ADCY7: variants seen among roughly 807,000 people sequenced by gnomAD.
ADCY7 encodes adenylate cyclase type 7.
Under a neutral mutation model 120.6 loss-of-function variants are expected in ADCY7, and 72 were observed. The ratio of observed to expected loss-of-function variants is 0.60; its 90% CI spans 0.49 to 0.73. ADCY7 has a LOEUF of 0.73. Ranked by LOEUF, ADCY7 falls within the 30% of genes least tolerant of loss-of-function variation. The pLI, the probability that ADCY7 is intolerant of heterozygous loss-of-function variation, is 0.00. For missense variants in ADCY7, 1,227 were observed against 1,486.0 expected, an observed-to-expected ratio of 0.83 and a Z score of 2.87; for synonymous variants, 661 against 628.0, an observed-to-expected ratio of 1.05 and a Z score of -0.78.
chr16:50,254,168 C>A (rs2150784446), intron 1 of ADCY7, among the ~76,000 whole-genome samples: 1 of 152,268 alleles, frequency 6.6e-6, no homozygotes, highest in Non-Finnish European at 1.5e-5. Context: ...CTTTCAGTGA[C>A]AAGGTTTTGA....
rs776380204 is a variant in ADCY7 at position 50,309,624 on chromosome 16, G to A, written c.2138G>A (p.Arg713Lys). 5 of 1,611,664 alleles carry A rather than the reference G, an allele frequency of 3.1e-6. No homozygotes were observed. In the South Asian group the frequency reaches 5.5e-5, roughly 18 times the overall value. ...CTACTGGCCGCGAGCAGCAAGACAA[G>A]AGCCCTGTGTGAGCCCCTCCCGGTG... is the stretch of plus-strand genomic sequence containing the variant. ...TGLLAASSKT[R>K]ALCEPLPYYT... is the part of the protein sequence containing the mutation. The change falls in exon 18 of 26, where the codon AGA becomes AAA. Residue 713 changes from arginine (R) to lysine (K), a missense_variant. Physicochemically the swap from Arg to Lys is conservative, Grantham distance 26. Around this residue, in one of 5 missense-constraint regions of ADCY7, gnomAD observed 267 missense variants for 270.0 expected, o/e 0.99. Transcript: ENST00000673801.
At chr16:50,245,974 T>TGGGGC (rs1283716618), upstream of ADCY7, among the ~76,000 whole-genome samples, 17 of 1,340 alleles carry the variant, frequency 0.013, no homozygotes, top group African/African-American at 0.034. Flanking sequence ...TGGGGTGGGG[T>TGGGGC]GGGGCGGGGC....
At position 50,294,632 on chromosome 16, in the gene ADCY7, A is replaced by AAACC; in HGVS notation, c.837-8_837-7insAACC. 5 of 836,826 alleles carry AAACC rather than the reference A, an allele frequency of 6.0e-6. No homozygotes were observed. Among genetic ancestry groups the AAACC allele is most frequent in the Non-Finnish European group, 9.9e-6 (5 of 504,780 alleles). The allele number at this position is 836,826 out of a possible 1,614,324, so 51.8% of individuals were successfully genotyped here. A position where few individuals can be genotyped will look rare whatever the true frequency, so the allele number is the denominator to read the frequency against. ...CTGACACTCCCTCCCACCCTGCCCC[A>AAACC]TCCCCAGCATCCTCTATGCGGACAT... On this transcript the variant is annotated splice_region_variant and splice_polypyrimidine_tract_variant and intron_variant, in intron 6 of 25. Transcript: ENST00000673801.
At chr16:50,264,618 G>A (rs2033142028), upstream of ADCY7, among the ~76,000 whole-genome samples, 1 of 152,116 alleles carries the variant, frequency 6.6e-6, no homozygotes, top group African/African-American at 2.4e-5. Context: ...TCTCCTCCTT[G>A]TCAACACTTG....
intron 10 of ADCY7, among the ~76,000 whole-genome samples, chr16:50,304,035 T>G (rs1490117366): frequency 6.6e-6 from 1 of 151,844 alleles, no homozygotes; most frequent in East Asian, 1.9e-4. Flanking sequence ...AAGCCCTGCC[T>G]CTCTCCCTGG....
chr16:50,273,726 C>T (rs181624140), intron 1 of ADCY7, among the ~76,000 whole-genome samples: 7 of 152,234 alleles, frequency 4.6e-5, no homozygotes, highest in African/African-American at 1.2e-4. Context: ...CCTGCCAGAG[C>T]TCATGCAGTT....
At chr16:50,277,386 A>G (rs537413877) in intron 1 of ADCY7, among the ~76,000 whole-genome samples, 2 of 152,308 alleles carry the variant, frequency 1.3e-5, no homozygotes, top group Admixed American at 6.5e-5. Flanking sequence ...TTATTAAACT[A>G]CCTTCACTGG....
upstream of ADCY7, among the ~76,000 whole-genome samples, chr16:50,244,726 G>T (rs763012762): frequency 2.0e-5 from 3 of 152,214 alleles, no homozygotes; most frequent in Non-Finnish European, 2.9e-5. Context: ...CATTACCGGC[G>T]CAGGGAGGCC....
At chr16:50,314,565 CAT>C in intron 24 of ADCY7, 159 bp downstream of exon 24, 1 of 603,400 alleles carries the variant, frequency 1.7e-6, no homozygotes. Context: ...TGATGTTTTG[CAT>C]ATAGTTAGCA....
chr16:50,308,133 C>G (rs1468955682), intron 15 of ADCY7, among the ~76,000 whole-genome samples, 194 bp from the exon 16 acceptor site: 2 of 152,176 alleles, frequency 1.3e-5, no homozygotes, highest in African/African-American at 2.4e-5. Context: ...GTCTTGACCT[C>G]AATCTTCATA....
At chr16:50,262,234 C>T (rs1051070785), upstream of ADCY7, among the ~76,000 whole-genome samples, 12 of 151,800 alleles carry the variant, frequency 7.9e-5, no homozygotes, top group African/African-American at 2.7e-4. Context: ...ATGCCTGGAC[C>T]CTGCTGGGTA....
At chr16:50,272,890 C>A (rs998592478) in intron 1 of ADCY7, among the ~76,000 whole-genome samples, 2 of 152,126 alleles carry the variant, frequency 1.3e-5, no homozygotes, top group Non-Finnish European at 2.9e-5. Flanking sequence ...GGGGCCTGGG[C>A]TAATGGGAAG....
rs748635962 is a variant in ADCY7 at position 50,300,847 on chromosome 16, C to T, written c.1209C>T (p.Asn403=). 4.0e-5 allele frequency: 62 copies of T among 1,558,222 alleles called. No homozygotes were observed. The highest frequency in any genetic ancestry group is 5.1e-5 in the Non-Finnish European group (59 of 1,150,912). Residue 403 remains asparagine, a synonymous_variant, in exon 9 of 26, where the codon AAC becomes AAT. Transcript: ENST00000673801. ...GGTCCCACGACGTGTCCCTGGCCAA[C>T]CGGATGGAGGCAGCCGGAGTACCCG... is the stretch of plus-strand genomic sequence containing the variant. ...DVWSHDVSLA[N]RMEAAGVPGR...
chr16:50,270,595 G>T (rs1179823906), intron 1 of ADCY7, among the ~76,000 whole-genome samples: 1 of 152,208 alleles, frequency 6.6e-6, no homozygotes, highest in Non-Finnish European at 1.5e-5. Flanking sequence ...TGTCGGTGTC[G>T]TGAGGCTCTC....
intron 19 of ADCY7, 68 bp downstream of exon 19, chr16:50,310,948 A>G: frequency 6.9e-7 from 1 of 1,451,462 alleles, no homozygotes; most frequent in South Asian, 1.3e-5. Flanking sequence ...GCCTGCTCGC[A>G]CCAAGGGGCT....
chr16:50,288,679 T>C (rs894576898), intron 2 of ADCY7, among the ~76,000 whole-genome samples: 3 of 152,138 alleles, frequency 2.0e-5, no homozygotes, highest in East Asian at 3.9e-4. Context: ...GCTTTCACCA[T>C]GTTGGCCAGG....
chr16:50,289,171 C>T (rs1179550442), intron 2 of ADCY7: 1 of 320,388 alleles, frequency 3.1e-6, no homozygotes, highest in Admixed American at 4.4e-5. Flanking sequence ...AGCCTGTCTA[C>T]ATTCTCAGAA....
intron 1 of ADCY7, among the ~76,000 whole-genome samples, chr16:50,275,476 T>G (rs1489581385): frequency 6.6e-6 from 1 of 152,208 alleles, no homozygotes; most frequent in African/African-American, 2.4e-5. Context: ...CAAAGGAGGT[T>G]CATTAGGGAT....
chr16:50,263,866 CA>C (rs1475479801), upstream of ADCY7, among the ~76,000 whole-genome samples: 2 of 152,166 alleles, frequency 1.3e-5, no homozygotes, highest in East Asian at 3.9e-4. Context: ...TGTGTCTCAT[CA>C]GCCTCTCGCC....
Sources: gnomAD v4.1 joint callset for allele counts (sites outside exome capture counted in the v4.1 genomes callset) on GRCh38, gnomAD v4.1.1 for gene constraint, gnomAD v4.1.1 regional missense constraint, MANE v1.5 for transcripts, NCBI Gene and HGNC (gene_info 2026-07-23, HGNC 2026-07-21) for gene names.